The following MINDY3 variants were observed in gnomAD, a reference collection of about 807,000 sequenced individuals.
MINDY3 encodes the protein ubiquitin carboxyl-terminal hydrolase MINDY-3.
In MINDY3, 38 loss-of-function variants were observed where a neutral mutation model predicts 69.2. That is an observed-to-expected ratio of 0.55 (90% CI 0.42 to 0.72). The LOEUF is 0.72. Among genes scored for constraint, MINDY3 ranks in the 30% least tolerant of loss-of-function variants. The pLI, the probability that MINDY3 is intolerant of heterozygous loss-of-function variation, is 0.00. For missense variants in MINDY3, 522 were observed against 519.0 expected, an observed-to-expected ratio of 1.01 and a Z score of -0.06; for synonymous variants, 192 against 180.1, an observed-to-expected ratio of 1.07 and a Z score of -0.53.
At position 15,778,875 on chromosome 10, in the gene MINDY3, TTG is replaced by T; in HGVS notation, c.*115_*116del. 2 of 762,014 alleles carry T rather than the reference TTG, an allele frequency of 2.6e-6. No individual in the cohort carries two copies. The highest frequency in any genetic ancestry group is 5.0e-5 in the South Asian group (2 of 39,646). The allele number at this position is 762,014 out of a possible 1,614,324, so 47.2% of individuals were successfully genotyped here. On this transcript the variant is annotated 3_prime_UTR_variant, in exon 15 of 15. Transcript: ENST00000277632. ...ATAAACACTGAAAATGTGTTTTTAATTGTTATTTACAGTTAATCAGTGATACC... is the reference window on the plus strand; with the variant it reads ...ATAAACACTGAAAATGTGTTTTTAATTTATTTACAGTTAATCAGTGATACC...
intron 1 of MINDY3, among the ~76,000 whole-genome samples, chr10:15,852,536 C>T (rs1834377686): frequency 6.6e-6 from 1 of 151,938 alleles, no homozygotes; most frequent in Admixed American, 6.6e-5. Context: ...GACTGATAAA[C>T]ATTAGAAGGA....
At chr10:15,791,660 A>T (rs781116817) in intron 11 of MINDY3, among the ~76,000 whole-genome samples, 13 of 152,006 alleles carry the variant, frequency 8.6e-5, no homozygotes, top group Non-Finnish European at 1.2e-4. Flanking sequence ...ATTTTAAAAG[A>T]TTTTTACCAG....
chr10:15,852,189 G>A (rs139970017), intron 1 of MINDY3, among the ~76,000 whole-genome samples: 60 of 152,106 alleles, frequency 3.9e-4, no homozygotes, highest in African/African-American at 1.2e-3. Context: ...TTGCCTGACC[G>A]GTGTTGTATC....
At chr10:15,843,439 G>GTTAT (rs1833620588) in intron 2 of MINDY3, among the ~76,000 whole-genome samples, 167 bp from the exon 3 acceptor site, 2 of 152,132 alleles carry the variant, frequency 1.3e-5, no homozygotes, top group African/African-American at 2.4e-5. Context: ...GAACTGTGCA[G>GTTAT]TTATTTATTC....
chr10:15,821,860 T>A, intron 8 of MINDY3, 134 bp from the exon 9 acceptor site: 1 of 618,688 alleles, frequency 1.6e-6, no homozygotes, highest in Non-Finnish European at 2.7e-6. Flanking sequence ...AACTATACTT[T>A]AAAACTTAGC....
chr10:15,835,675 T>C (rs1213922476), intron 6 of MINDY3, among the ~76,000 whole-genome samples: 1 of 152,086 alleles, frequency 6.6e-6, no homozygotes, highest in Non-Finnish European at 1.5e-5. Flanking sequence ...AGTTGGAGAA[T>C]ACTGAACAGT....
chr10:15,785,013 G>C (rs963733149), intron 13 of MINDY3, among the ~76,000 whole-genome samples: 1 of 152,108 alleles, frequency 6.6e-6, no homozygotes, highest in African/African-American at 2.4e-5. Context: ...ATCACTTGCA[G>C]GGCTTGTTAG....
rs1452311513 is a variant in MINDY3 at position 15,841,557 on chromosome 10, A to G, written c.278T>C (p.Ile93Thr). The change falls in exon 4 of 15, where the codon ATT (isoleucine) becomes ACT (threonine). Residue 93 changes from isoleucine to threonine, a missense_variant. By Grantham distance (89) the Ile-to-Thr change is moderately conservative. Coordinates refer to ENST00000277632, the MANE Select transcript of MINDY3 (RefSeq NM_024948.4). ...KELLCHTLCD[I>T]LESACCDHSG... ...GTGGTCACAACAAGCACTTTCTAAA[A>G]TATCACACAAGGTATGACAAAGGAG... 3.7e-6 allele frequency: 6 copies of G among 1,611,282 alleles called. No individual in the cohort carries two copies. The African/African-American group carries it at 6.7e-5, about 18-fold the overall frequency.
At chr10:15,821,346 C>T (rs1306153109) in intron 9 of MINDY3, among the ~76,000 whole-genome samples, 1 of 152,150 alleles carries the variant, frequency 6.6e-6, no homozygotes, top group African/African-American at 2.4e-5. Flanking sequence ...CTTTCTTCAT[C>T]CTCATTTTGC....
chr10:15,847,177 T>G (rs1464667460), intron 2 of MINDY3, among the ~76,000 whole-genome samples: 2 of 152,332 alleles, frequency 1.3e-5, no homozygotes, highest in African/African-American at 4.8e-5. Flanking sequence ...TTCACAGACA[T>G]CATCAGTATT....
chr10:15,809,647 T>C (rs1190515127), intron 10 of MINDY3, among the ~76,000 whole-genome samples: 2 of 152,130 alleles, frequency 1.3e-5, no homozygotes, highest in Admixed American at 1.3e-4. Context: ...ATCCTCTTAT[T>C]AGAAGTTCTG....
intron 14 of MINDY3, among the ~76,000 whole-genome samples, chr10:15,780,569 G>A (rs1836448138): frequency 6.6e-6 from 1 of 152,142 alleles, no homozygotes; most frequent in Admixed American, 6.5e-5. Flanking sequence ...AATCAGGCTC[G>A]GATGCCTGGC....
chr10:15,848,090 G>A, intron 1 of MINDY3, 147 bp from the exon 2 acceptor site: 2 of 645,740 alleles, frequency 3.1e-6, no homozygotes, highest in Non-Finnish European at 5.4e-6. Flanking sequence ...GGAACCTTTT[G>A]AAAAAAAAAT....
intron 8 of MINDY3, among the ~76,000 whole-genome samples, chr10:15,822,288 G>A (rs1839819343): frequency 6.6e-6 from 1 of 152,052 alleles, no homozygotes; most frequent in Non-Finnish European, 1.5e-5. Context: ...GAAAGGCTAT[G>A]ACTTTACCAA....
chr10:15,828,462 T>A (rs967572700), intron 8 of MINDY3, among the ~76,000 whole-genome samples: 5 of 152,096 alleles, frequency 3.3e-5, no homozygotes, highest in African/African-American at 1.2e-4. Flanking sequence ...GATGACAAAA[T>A]TTTTTAAAAT....
intron 8 of MINDY3, among the ~76,000 whole-genome samples, chr10:15,829,159 C>T (rs1486042971): frequency 6.6e-6 from 1 of 151,862 alleles, no homozygotes; most frequent in African/African-American, 2.4e-5. Flanking sequence ...CATAGATGAT[C>T]AGAGGGAGGA....
intron 1 of MINDY3, among the ~76,000 whole-genome samples, chr10:15,848,848 T>G (rs760670297): frequency 5.3e-5 from 8 of 151,792 alleles, no homozygotes; most frequent in African/African-American, 1.9e-4. Flanking sequence ...TTCACCTGCT[T>G]GGGCCTCAGT....
intron 14 of MINDY3, among the ~76,000 whole-genome samples, chr10:15,781,674 A>G (rs1588493854): frequency 6.6e-6 from 1 of 152,108 alleles, no homozygotes; most frequent in Non-Finnish European, 1.5e-5. Flanking sequence ...TGTAAAATGG[A>G]GATATACAGA....
intron 10 of MINDY3, among the ~76,000 whole-genome samples, chr10:15,810,461 G>T (rs1014489389): frequency 6.6e-6 from 1 of 152,054 alleles, no homozygotes; most frequent in Non-Finnish European, 1.5e-5. Flanking sequence ...GGTTTGAATT[G>T]GTCAGGTAGG....
Sources: gnomAD v4.1 joint callset for allele counts (sites outside exome capture counted in the v4.1 genomes callset) on GRCh38, gnomAD v4.1.1 for gene constraint, MANE v1.5 for transcripts, NCBI Gene and HGNC (gene_info 2026-07-23, HGNC 2026-07-21) for gene names.